Variants in SPNS3 observed in about 807,000 individuals in gnomAD.
The protein encoded by SPNS3 is protein spinster homolog 3.
SPNS3 carries 51 observed loss-of-function variants against 54.4 expected under a neutral mutation model. The ratio of observed to expected loss-of-function variants is 0.94; its 90% CI spans 0.75 to 1.18. The LOEUF (loss-of-function observed/expected upper bound fraction) is 1.18. Ranked by LOEUF, SPNS3 falls within the 50% of genes most tolerant of loss-of-function variation. The pLI is 0.00. For missense variants in SPNS3, 669 were observed against 677.4 expected, an observed-to-expected ratio of 0.99 and a Z score of 0.14; for synonymous variants, 309 against 294.7, an observed-to-expected ratio of 1.05 and a Z score of -0.50.
chr17:4,441,983 A>AGTGTGTGTGTCTGTGT (rs1970863742), intron 2 of SPNS3, among the ~76,000 whole-genome samples: 1 of 139,000 alleles, frequency 7.2e-6, no homozygotes, highest in Non-Finnish European at 1.5e-5. Context: ...CGGAGGGAGA[A>AGTGTGTGTGTCTGTGT]GTGTGTGTGT....
chr17:4,458,418 TCTTCTTTCTTTC>T (rs1971374088), intron 8 of SPNS3, among the ~76,000 whole-genome samples: 1 of 141,752 alleles, frequency 7.1e-6, no homozygotes, highest in Non-Finnish European at 1.6e-5. Flanking sequence ...ATTTTCTTTT[TCTTCTTTCTTTC>T]CTTCCTCCCT....
At chr17:4,435,065 G>T (rs1970678955) in intron 1 of SPNS3, among the ~76,000 whole-genome samples, 1 of 152,130 alleles carries the variant, frequency 6.6e-6, no homozygotes, top group Non-Finnish European at 1.5e-5. Context: ...GCCTCCCAAA[G>T]TGTTGGGATT....
Position 4,486,259 on chromosome 17 carries a change from C to T in SPNS3, c.1211C>T (p.Ala404Val), listed in dbSNP as rs766567676. ...GTGGTGCCCAGATGCCGGGGGACGG[C>T]AGAGGCACTTCAGATCACGGTGGGC... ...SVVVPRCRGT[A>V]EALQITVGHI... The change falls in exon 10 of 12, where the codon GCA (alanine) becomes GTA (valine). Residue 404 changes from alanine to valine, a missense_variant. Coordinates refer to ENST00000355530, the MANE Select transcript of SPNS3 (RefSeq NM_182538.5). The surrounding 1 kb of genome is among the most constrained non-coding windows in gnomAD (Gnocchi z 5.5). 5 of 1,577,746 alleles carry T rather than the reference C, an allele frequency of 3.2e-6. No individual in the cohort carries two copies. The Admixed American group carries it at 7.8e-5, about 25-fold the overall frequency.
rs774297187 is a variant in SPNS3 at position 4,453,044 on chromosome 17, A to G, written c.952A>G (p.Thr318Ala). ...SLIFGALTIM[T>A]GVIGVILGAE... ...GATTTTTGGGGCACTGACCATCATG[A>G]CCGGCGTCATTGGGGTCATCTTGGG... Residue 318 changes from threonine to alanine, a missense_variant, in exon 8 of 12, where the codon ACC (threonine) becomes GCC (alanine). By Grantham distance (58) the Thr-to-Ala change is moderately conservative. Coordinates refer to ENST00000355530, the MANE Select transcript of SPNS3 (RefSeq NM_182538.5). 1.2e-6 allele frequency: 2 copies of G among 1,613,948 alleles called. No individual in the cohort carries two copies. The highest frequency in any genetic ancestry group is 1.7e-6 in the Non-Finnish European group (2 of 1,179,888).
At chr17:4,465,689 A>G (rs373654806) in intron 8 of SPNS3, among the ~76,000 whole-genome samples, 2 of 152,072 alleles carry the variant, frequency 1.3e-5, no homozygotes, top group Non-Finnish European at 2.9e-5. Flanking sequence ...ATCGCCACCA[A>G]TGTGCTCCAG....
At chr17:4,476,497 C>G (rs571326523) in intron 8 of SPNS3, among the ~76,000 whole-genome samples, 1 of 152,176 alleles carries the variant, frequency 6.6e-6, no homozygotes, top group East Asian at 1.9e-4. Flanking sequence ...CAGAGGCAGA[C>G]GCTGGCAATG....
rs185841296 is a variant in SPNS3, at chr17:4,434,527, C to T, written c.199+361C>T. Among the ~76,000 whole-genome samples, 39 of 152,068 alleles carry T rather than the reference C, an allele frequency of 2.6e-4. 1 individual carries two copies. In the East Asian group the frequency reaches 5.6e-3, roughly 22 times the overall value. ...TATTTTTTTTTTTGAGACAGAGTCT[C>T]GCTCTGTCGCCCAGGCTGGAGTGTA... On this transcript the variant is annotated intron_variant, in intron 1 of 11. Transcript: ENST00000355530.
At chr17:4,436,026 T>C (rs1244818881) in intron 1 of SPNS3, among the ~76,000 whole-genome samples, 2 of 141,594 alleles carry the variant, frequency 1.4e-5, no homozygotes, top group Non-Finnish European at 3.1e-5. Flanking sequence ...GAGCACTAAC[T>C]GTGGGCAGGA....
chr17:4,450,384 C>T (rs1971131503), intron 7 of SPNS3, among the ~76,000 whole-genome samples: 1 of 144,696 alleles, frequency 6.9e-6, no homozygotes, highest in Non-Finnish European at 1.5e-5. Flanking sequence ...CCCCTCCCTC[C>T]CTCCTTCCCT....
chr17:4,485,619 C>A (rs1972292170), intron 9 of SPNS3, among the ~76,000 whole-genome samples: 1 of 152,166 alleles, frequency 6.6e-6, no homozygotes, highest in Non-Finnish European at 1.5e-5. Context: ...TGGTCTTGAC[C>A]TCCTGACCTC....
In SPNS3 at chr17:4,454,452, T is replaced by C. The variant is rs188404776; in HGVS notation, c.1113+1247T>C. Among the ~76,000 whole-genome samples, 720 of 152,320 alleles carry C rather than the reference T, an allele frequency of 4.7e-3. 10 individuals are homozygous for C. The highest frequency in any genetic ancestry group is 6.2e-3 in the Non-Finnish European group (423 of 68,034). ...CAGGTTTACTGAGCAGACTGGACTTTGGAAAAGTAAACCAGCCACAACTTT... is the reference window on the plus strand; with the variant it reads ...CAGGTTTACTGAGCAGACTGGACTTCGGAAAAGTAAACCAGCCACAACTTT... On this transcript the variant is annotated intron_variant, in intron 8 of 11. Coordinates refer to ENST00000355530, the MANE Select transcript of SPNS3 (RefSeq NM_182538.5).
intron 8 of SPNS3, among the ~76,000 whole-genome samples, chr17:4,462,150 C>CACCA (rs1971526845): frequency 2.2e-4 from 1 of 4,566 alleles, no homozygotes; most frequent in African/African-American, 5.1e-4. Context: ...TCCATCCATC[C>CACCA]ATCCATCCAT....
At chr17:4,461,763 C>T (rs1158788006) in intron 8 of SPNS3, among the ~76,000 whole-genome samples, 2 of 152,052 alleles carry the variant, frequency 1.3e-5, no homozygotes, top group Admixed American at 1.3e-4. Context: ...GCATGAGCAG[C>T]TGGAACCGGG....
At chr17:4,462,810 TATCC>T (rs147800983) in intron 8 of SPNS3, among the ~76,000 whole-genome samples, 10,691 of 39,716 alleles carry the variant, frequency 0.27, 1,599 homozygotes, top group Non-Finnish European at 0.32. Flanking sequence ...TCCACCAATC[TATCC>T]ATCCATCCAT....
At position 4,434,099 on chromosome 17, in the gene SPNS3, C is replaced by T. The variant is rs755708352; in HGVS notation, c.132C>T (p.Ala44=). The change falls in exon 1 of 12, where the codon GCC becomes GCT. Residue 44 remains alanine, a synonymous_variant. Transcript: ENST00000355530. ...PTSWSLPPWR[A]YVAAAVLCYI... ...CCTGGAGCCTGCCCCCGTGGAGGGC[C>T]TACGTGGCTGCCGCCGTCCTCTGCT... is the stretch of plus-strand genomic sequence containing the variant. 5 of 1,612,400 alleles carry T rather than the reference C, an allele frequency of 3.1e-6. No homozygotes were observed. Among genetic ancestry groups the T allele is most frequent in the Non-Finnish European group, 4.2e-6 (5 of 1,179,374 alleles).
At chr17:4,487,097 G>T (rs1231535193) in intron 11 of SPNS3, among the ~76,000 whole-genome samples, 1 of 150,904 alleles carries the variant, frequency 6.6e-6, no homozygotes, top group African/African-American at 2.5e-5. Context: ...ACTTGAACCC[G>T]GGAGGCGGAG....
At chr17:4,435,476 TAAATA>T (rs1970692500) in intron 1 of SPNS3, among the ~76,000 whole-genome samples, 1 of 114,702 alleles carries the variant, frequency 8.7e-6, no homozygotes, top group East Asian at 2.5e-4. Flanking sequence ...AATAAATAAA[TAAATA>T]AATATTTTTT....
intron 7 of SPNS3, 126 bp from the exon 8 acceptor site, chr17:4,452,890 A>G (rs1971203268): frequency 4.5e-6 from 4 of 891,440 alleles, no homozygotes; most frequent in Middle Eastern, 2.4e-4. Flanking sequence ...GCCCACAGCC[A>G]TATTCCCTGT....
intron 5 of SPNS3, 90 bp downstream of exon 5, chr17:4,447,052 C>A: frequency 1.4e-6 from 2 of 1,398,350 alleles, no homozygotes; most frequent in Non-Finnish European, 2.0e-6. Context: ...CTTGGCGTAG[C>A]ACCCGGCGCC....
Sources: gnomAD v4.1 joint callset for allele counts (sites outside exome capture counted in the v4.1 genomes callset) on GRCh38, gnomAD v4.1.1 for gene constraint, Gnocchi (gnomAD v3.1) non-coding constraint, MANE v1.5 for transcripts, NCBI Gene and HGNC (gene_info 2026-07-23, HGNC 2026-07-21) for gene names.